PCSK6: variants seen among roughly 807,000 people sequenced by gnomAD.
The protein encoded by PCSK6 is paired basic amino acid cleaving enzyme 4.
Under a neutral mutation model 123.3 loss-of-function variants are expected in PCSK6, and 85 were observed. The observed-to-expected ratio is 0.69, with a 90% CI of 0.58 to 0.83. The LOEUF is 0.83. Among genes scored for constraint, PCSK6 ranks in the 40% least tolerant of loss-of-function variants. The pLI is 0.00. For synonymous variants in PCSK6, 508 were observed against 516.0 expected (o/e 0.98, Z 0.21); for missense variants, 1,191 against 1,282.3 (o/e 0.93, Z 1.09).
intron 2 of PCSK6, among the ~76,000 whole-genome samples, chr15:101,434,253 G>A (rs560872667): frequency 1.3e-5 from 2 of 152,088 alleles, no homozygotes; most frequent in South Asian, 2.1e-4. Context: ...AAGCTCCCAG[G>A]GATGTCCCGC....
At chr15:101,420,126 G>A (rs2056032901) in intron 6 of PCSK6, among the ~76,000 whole-genome samples, 1 of 150,842 alleles carries the variant, frequency 6.6e-6, no homozygotes, top group East Asian at 2.0e-4. Context: ...AGGAGGTGGA[G>A]GTTGCAGTGA....
At chr15:101,466,524 G>A (rs1186443888) in intron 1 of PCSK6, among the ~76,000 whole-genome samples, 4 of 152,104 alleles carry the variant, frequency 2.6e-5, no homozygotes, top group African/African-American at 7.2e-5. Flanking sequence ...AAAAACATAC[G>A]TCCACATACA....
chr15:101,326,308 T>C (rs1416718358), intron 16 of PCSK6, 69 bp downstream of exon 16: 2 of 1,222,668 alleles, frequency 1.6e-6, no homozygotes, highest in African/African-American at 1.5e-5. Flanking sequence ...CATCAGGACA[T>C]GGAGGGGCTA....
rs115524618 is a variant in PCSK6, at chr15:101,410,354, G to A, written c.824-11778C>T. Among the ~76,000 whole-genome samples the A allele has an allele frequency of 9.4e-3, 1,425 of 152,286 alleles. 15 individuals are homozygous for A. Among genetic ancestry groups the A allele is most frequent in the African/African-American group, 0.032 (1,329 of 41,538 alleles). ...AAGTCTGGAGCCCCCCACCACCAAT[G>A]CCACCCTGAAGCAGAAGGGCTGGGA... is the stretch of plus-strand genomic sequence containing the variant. On this transcript the variant is annotated intron_variant, in intron 6 of 21. Coordinates refer to ENST00000611716, the MANE Select transcript of PCSK6 (RefSeq NM_002570.5).
chr15:101,482,341 A>G (rs1446656929), intron 1 of PCSK6, among the ~76,000 whole-genome samples: 1 of 152,212 alleles, frequency 6.6e-6, no homozygotes, highest in Non-Finnish European at 1.5e-5. Context: ...GAGCAAGACC[A>G]GGGCTTCTGG....
intron 6 of PCSK6, among the ~76,000 whole-genome samples, chr15:101,401,968 C>T (rs2042601332): frequency 6.6e-6 from 1 of 151,932 alleles, no homozygotes; most frequent in Admixed American, 6.6e-5. Context: ...CCAAGTCAAT[C>T]CTAAGCCAAA....
At chr15:101,322,143 C>G (rs553667047) in intron 18 of PCSK6, among the ~76,000 whole-genome samples, 4 of 152,056 alleles carry the variant, frequency 2.6e-5, no homozygotes, top group Admixed American at 6.6e-5. Flanking sequence ...AAGAGAAGAC[C>G]GAGGGATGCA....
chr15:101,429,665 T>C (rs2141113787), intron 5 of PCSK6, among the ~76,000 whole-genome samples: 2 of 152,330 alleles, frequency 1.3e-5, no homozygotes, highest in East Asian at 3.9e-4. Context: ...ACACAGCAGG[T>C]CATGGAGACG....
intron 13 of PCSK6, among the ~76,000 whole-genome samples, chr15:101,361,755 G>T (rs1414847021): frequency 6.6e-6 from 1 of 152,122 alleles, no homozygotes; most frequent in Non-Finnish European, 1.5e-5. Context: ...AAGGATCATT[G>T]GATGCTGGGT....
At chr15:101,396,147 A>G (rs1216950510) in intron 7 of PCSK6, among the ~76,000 whole-genome samples, 1 of 152,174 alleles carries the variant, frequency 6.6e-6, no homozygotes, top group Admixed American at 6.5e-5. Context: ...TTACTTCCAA[A>G]TGACGAAAAA....
intron 1 of PCSK6, among the ~76,000 whole-genome samples, chr15:101,451,677 G>A (rs888099828): frequency 4.6e-5 from 7 of 152,360 alleles, no homozygotes; most frequent in African/African-American, 1.7e-4. Flanking sequence ...TCTGTCTTCA[G>A]GGCCGGCATC....
At position 101,479,631 on chromosome 15, in the gene PCSK6, T is replaced by C. The variant is rs1057413933; in HGVS notation, c.297+9743A>G. On this transcript the variant is annotated intron_variant, in intron 1 of 21. Coordinates refer to ENST00000611716, the MANE Select transcript of PCSK6 (RefSeq NM_002570.5). The stretch of plus-strand genomic sequence containing the variant: ...ATCCAGAGAGACATCTGGTTTCCCA[T>C]CTGGAGGACGGGGTACAAGATAGGT... 2.6e-5 allele frequency among the ~76,000 whole-genome samples: 4 copies of C among 152,138 alleles called. No individual in the cohort carries two copies. In the East Asian group the frequency reaches 7.7e-4, roughly 29 times the overall value.
intron 15 of PCSK6, among the ~76,000 whole-genome samples, chr15:101,327,642 G>A (rs532952678): frequency 6.6e-6 from 1 of 152,332 alleles, no homozygotes; most frequent in African/African-American, 2.4e-5. Flanking sequence ...ACCTTCATTT[G>A]GTGGGGACTT....
intron 1 of PCSK6, among the ~76,000 whole-genome samples, chr15:101,448,192 CTCA>C (rs1293084462): frequency 1.3e-5 from 2 of 152,202 alleles, no homozygotes; most frequent in Non-Finnish European, 2.9e-5. Context: ...ATACAGGGTG[CTCA>C]TGTTTCTTTA....
intron 1 of PCSK6, among the ~76,000 whole-genome samples, chr15:101,458,235 G>T (rs2057241367): frequency 6.6e-6 from 1 of 152,314 alleles, no homozygotes; most frequent in East Asian, 1.9e-4. Flanking sequence ...CTAGGTTGGT[G>T]GGCACAGGTC....
At chr15:101,306,095 A>AAGCT (rs1326648536) in intron 21 of PCSK6, among the ~76,000 whole-genome samples, 1 of 151,492 alleles carries the variant, frequency 6.6e-6, no homozygotes, top group South Asian at 2.1e-4. Flanking sequence ...GAGGGAATGG[A>AAGCT]AGCTGCTTCC....
At chr15:101,428,092 G>C in intron 5 of PCSK6, 112 bp from the exon 6 acceptor site, 1 of 874,468 alleles carries the variant, frequency 1.1e-6, no homozygotes, top group South Asian at 1.6e-5. Context: ...GCCCAGAGAT[G>C]TCATTAAAGC....
chr15:101,341,753 T>C (rs796626526), intron 13 of PCSK6, among the ~76,000 whole-genome samples: 24 of 152,272 alleles, frequency 1.6e-4, no homozygotes, highest in African/African-American at 5.8e-4. Context: ...AGGGAAATGA[T>C]AGCAGATGAA....
intron 6 of PCSK6, among the ~76,000 whole-genome samples, chr15:101,409,380 T>TC (rs1567200076): frequency 6.6e-6 from 1 of 151,986 alleles, no homozygotes. Context: ...GGTCAGGAGA[T>TC]CGAGACCATC....
Sources: allele counts gnomAD v4.1 joint callset (sites outside exome capture counted in the v4.1 genomes callset), GRCh38; gene constraint gnomAD v4.1.1; transcripts MANE v1.5; gene names NCBI Gene and HGNC (gene_info 2026-07-23, HGNC 2026-07-21).